GPHN: variants seen among roughly 807,000 people sequenced by gnomAD.
GPHN encodes the protein gephyrin.
GPHN carries 17 observed loss-of-function variants against 95.5 expected under a neutral mutation model. The observed-to-expected ratio is 0.18, with a 90% CI of 0.12 to 0.27. The LOEUF is 0.27. GPHN is among the 10% of genes least tolerant of loss of function. The pLI is 1.00. For missense variants in GPHN, 660 were observed against 978.1 expected (o/e 0.67, Z 4.34); for synonymous variants, 320 against 322.5 (o/e 0.99, Z 0.08).
intron 1 of GPHN, among the ~76,000 whole-genome samples, chr14:66,658,070 G>A (rs528739101): frequency 6.6e-6 from 1 of 152,242 alleles, no homozygotes; most frequent in South Asian, 2.1e-4. Flanking sequence ...CAAAATACCA[G>A]CATTAATAAA....
At chr14:67,557,214 C>T in the GPHN span, 4 of 1,536,540 alleles carry the variant, frequency 2.6e-6, no homozygotes, top group Non-Finnish European at 3.6e-6. Flanking sequence ...TTACTGGCCA[C>T]TGCACACCCC....
the GPHN span, chr14:67,395,619 G>A: frequency 3.1e-6 from 5 of 1,601,430 alleles, no homozygotes; most frequent in Non-Finnish European, 4.3e-6. Context: ...CCAGCACTCA[G>A]GCAGAGCAAG....
chr14:66,814,259 A>T (rs2060876004), intron 3 of GPHN, among the ~76,000 whole-genome samples: 2 of 152,108 alleles, frequency 1.3e-5, no homozygotes, highest in South Asian at 4.1e-4. Context: ...CAGAGAAGGC[A>T]CCCAGATCTA....
chr14:67,392,630 T>A, the GPHN span: 2 of 1,583,866 alleles, frequency 1.3e-6, no homozygotes, highest in Non-Finnish European at 1.7e-6. Flanking sequence ...ACTTTTGCCC[T>A]GGTGGCAAGA....
intron 8 of GPHN, among the ~76,000 whole-genome samples, chr14:66,951,788 A>C (rs2068126022): frequency 2.6e-5 from 4 of 152,304 alleles, no homozygotes; most frequent in Middle Eastern, 3.4e-3. Flanking sequence ...ATTGTATGAT[A>C]ATTTATAGTG....
At chr14:67,656,279 A>G in the GPHN span, 1 of 814,336 alleles carries the variant, frequency 1.2e-6, no homozygotes, top group Non-Finnish European at 1.7e-6. Context: ...ATAAAAATTG[A>G]GAAAAGCATA....
At chr14:67,116,313 A>AAAAG (rs563235207) in intron 16 of GPHN, among the ~76,000 whole-genome samples, 3 of 149,852 alleles carry the variant, frequency 2.0e-5, no homozygotes, top group Admixed American at 6.6e-5. Flanking sequence ...GAAAGAAAGA[A>AAAAG]AAAGAAAGAA....
In GPHN at chr14:66,739,491, C is replaced by T. The variant is rs548863808; in HGVS notation, c.144-36973C>T. Among the ~76,000 whole-genome samples the T allele has an allele frequency of 8.6e-3, 1,291 of 149,856 alleles. 2 individuals are homozygous for T. The highest frequency in any genetic ancestry group is 0.015 in the Non-Finnish European group (1,048 of 67,652). On this transcript the variant is annotated intron_variant, in intron 2 of 22. Transcript: ENST00000478722. ...TCAGCCTCCCAAAGTGCTGGGATTA[C>T]AGGCGTGAGCCACCACCCCCGGCCC...
chr14:67,479,992 TG>T, the GPHN span, among the ~76,000 whole-genome samples: 1 of 152,192 alleles, frequency 6.6e-6, no homozygotes, highest in Admixed American at 6.5e-5. Flanking sequence ...TGAGACCTAA[TG>T]GACGCTGCCC....
At chr14:67,688,792 T>C in the GPHN span, among the ~76,000 whole-genome samples, 1 of 152,148 alleles carries the variant, frequency 6.6e-6, no homozygotes, top group Admixed American at 6.5e-5. Context: ...GATTTTACAT[T>C]TAATAGTTTG....
chr14:66,601,462 G>A (rs1009685237), intron 1 of GPHN, among the ~76,000 whole-genome samples: 1 of 151,908 alleles, frequency 6.6e-6, no homozygotes, highest in African/African-American at 2.4e-5. Context: ...AGTCTTTTGG[G>A]AATAGGAAAG....
chr14:67,358,825 C>T, the GPHN span, among the ~76,000 whole-genome samples: 1 of 152,196 alleles, frequency 6.6e-6, no homozygotes, highest in South Asian at 2.1e-4. Context: ...AGTGATATGC[C>T]ATTTTCCTGA....
chr14:66,817,307 A>G (rs1566976280), intron 3 of GPHN, among the ~76,000 whole-genome samples: 1 of 152,096 alleles, frequency 6.6e-6, no homozygotes, highest in Non-Finnish European at 1.5e-5. Flanking sequence ...TAAACTGAAA[A>G]TTAACTTATA....
intron 20 of GPHN, among the ~76,000 whole-genome samples, chr14:67,165,794 C>T (rs1448415483): frequency 1.3e-5 from 2 of 152,206 alleles, no homozygotes; most frequent in African/African-American, 4.8e-5. Context: ...CCCACTCCCA[C>T]CCTTGTCCCA....
chr14:67,518,794 C>G, the GPHN span, among the ~76,000 whole-genome samples: 1 of 152,150 alleles, frequency 6.6e-6, no homozygotes, highest in Non-Finnish European at 1.5e-5. Context: ...TGCCCTCTGA[C>G]CACAAGTTAG....
At chr14:66,565,845 TA>T (rs1260306329) in intron 1 of GPHN, among the ~76,000 whole-genome samples, 1 of 152,136 alleles carries the variant, frequency 6.6e-6, no homozygotes, top group East Asian at 1.9e-4. Context: ...TTAACATGAA[TA>T]ATCTGATATT....
the GPHN span, among the ~76,000 whole-genome samples, chr14:67,265,473 A>G: frequency 6.6e-6 from 1 of 152,238 alleles, no homozygotes; most frequent in South Asian, 2.1e-4. Flanking sequence ...GGAGGGTTGC[A>G]TGAGCCAGGA....
chr14:66,543,064 A>G (rs530622087), intron 1 of GPHN, among the ~76,000 whole-genome samples: 3 of 152,110 alleles, frequency 2.0e-5, no homozygotes, highest in Non-Finnish European at 2.9e-5. Context: ...GATGGTACAC[A>G]CTTTTAAACA....
At chr14:66,687,118 A>T (rs973115564) in intron 2 of GPHN, among the ~76,000 whole-genome samples, 3 of 152,104 alleles carry the variant, frequency 2.0e-5, no homozygotes, top group African/African-American at 7.2e-5. Flanking sequence ...ATCATGTTGG[A>T]TAAGCTTTTT....
Sources: allele counts gnomAD v4.1 joint callset (sites outside exome capture counted in the v4.1 genomes callset), GRCh38; gene constraint gnomAD v4.1.1; transcripts MANE v1.5; gene names NCBI Gene and HGNC (gene_info 2026-07-23, HGNC 2026-07-21).